EEA1: variants seen among roughly 807,000 people sequenced by gnomAD.
The protein encoded by EEA1 is early endosome antigen 1, 162kD.
A neutral mutation model predicts 209.2 loss-of-function variants in EEA1; 111 were observed. That is an observed-to-expected ratio of 0.53 (90% CI 0.45 to 0.62). The LOEUF is 0.62. EEA1 is among the 20% of genes least tolerant of loss of function. The pLI is 0.00. For missense variants in EEA1, 1,343 were observed against 1,530.8 expected (o/e 0.88, Z 2.05); for synonymous variants, 536 against 540.6 (o/e 0.99, Z 0.12).
intron 2 of EEA1, chr12:92,884,431 C>T: frequency 2.1e-6 from 3 of 1,434,510 alleles, no homozygotes; most frequent in Non-Finnish European, 2.9e-6. Context: ...GTGGAGGAAA[C>T]TTCAGTGGTG....
At chr12:92,907,505 T>C (rs1320800568) in intron 1 of EEA1, among the ~76,000 whole-genome samples, 1 of 152,238 alleles carries the variant, frequency 6.6e-6, no homozygotes, top group Non-Finnish European at 1.5e-5. Flanking sequence ...TTAATTCAAC[T>C]GCCCACTTAA....
chr12:92,917,501 A>G (rs371545040), intron 1 of EEA1, among the ~76,000 whole-genome samples: 2,476 of 150,370 alleles, frequency 0.016, 39 homozygotes, highest in South Asian at 0.095. Context: ...GCTAAGCTTC[A>G]TAAGTGAAGG....
intron 16 of EEA1, among the ~76,000 whole-genome samples, 163 bp from the exon 17 acceptor site, chr12:92,811,597 A>G (rs1875513285): frequency 1.3e-5 from 2 of 152,184 alleles, no homozygotes; most frequent in African/African-American, 4.8e-5. Context: ...TTACCTACCA[A>G]TATAAACGAC....
intron 5 of EEA1, 64 bp downstream of exon 5, chr12:92,857,211 T>C: frequency 1.5e-6 from 2 of 1,326,952 alleles, no homozygotes; most frequent in Non-Finnish European, 1.0e-6. Flanking sequence ...AGGTATTAAG[T>C]TTAGTTTTCA....
Position 92,821,742 on chromosome 12 carries a change from C to G in EEA1, c.1525-2231G>C, listed in dbSNP as rs1876061499. On this transcript the variant is annotated intron_variant, in intron 13 of 28. Coordinates refer to ENST00000322349, the MANE Select transcript of EEA1 (RefSeq NM_003566.4). ...GCCTGATTTTCAGCTCTTACTATCT[C>G]CAACTTTATCAAGAAACATGAGATT... 5.3e-5 allele frequency among the ~76,000 whole-genome samples: 8 copies of G among 151,816 alleles called. 1 individual carries two copies. In the South Asian group the frequency reaches 1.7e-3, roughly 32 times the overall value.
At chr12:92,842,890 C>T (rs1174838899) in intron 9 of EEA1, among the ~76,000 whole-genome samples, 1 of 152,180 alleles carries the variant, frequency 6.6e-6, no homozygotes, top group Non-Finnish European at 1.5e-5. Context: ...CTCTATACTT[C>T]AATCTTCCAG....
chr12:92,891,819 G>GGT, intron 1 of EEA1, 98 bp from the exon 2 acceptor site: 1 of 790,124 alleles, frequency 1.3e-6, no homozygotes, highest in Non-Finnish European at 2.0e-6. Context: ...CATAAGAAAA[G>GGT]TAGATGTCTT....
At chr12:92,784,741 GTTC>G (rs1397921922) in intron 22 of EEA1, among the ~76,000 whole-genome samples, 1 of 152,070 alleles carries the variant, frequency 6.6e-6, no homozygotes, top group East Asian at 1.9e-4. Context: ...CATTTTAAAT[GTTC>G]TTTTCATCTT....
chr12:92,863,873 A>C (rs969231443), intron 3 of EEA1, among the ~76,000 whole-genome samples: 2 of 152,238 alleles, frequency 1.3e-5, no homozygotes, highest in African/African-American at 4.8e-5. Flanking sequence ...AAGTTCATAT[A>C]CTGGACACAG....
At chr12:92,879,487 T>A in intron 2 of EEA1, 1 of 304,586 alleles carries the variant, frequency 3.3e-6, no homozygotes, top group South Asian at 2.7e-5. Flanking sequence ...CATATTATCA[T>A]CTCAATAGAT....
At chr12:92,914,525 C>T (rs903787678) in intron 1 of EEA1, among the ~76,000 whole-genome samples, 24 of 152,174 alleles carry the variant, frequency 1.6e-4, no homozygotes, top group Admixed American at 1.6e-3. Context: ...TGTTGGTAAT[C>T]TGACAGAAAT....
intron 1 of EEA1, among the ~76,000 whole-genome samples, chr12:92,919,363 C>G (rs1461301867): frequency 6.8e-6 from 1 of 146,206 alleles, no homozygotes; most frequent in African/African-American, 2.5e-5. Flanking sequence ...TACTGGCAAA[C>G]TGAATCCAGC....
At chr12:92,820,768 T>G (rs1296720915) in intron 13 of EEA1, among the ~76,000 whole-genome samples, 1 of 151,678 alleles carries the variant, frequency 6.6e-6, no homozygotes, top group African/African-American at 2.4e-5. Context: ...TATATATATA[T>G]ATATATACAC....
chr12:92,791,842 A>G (rs984085946), intron 21 of EEA1, among the ~76,000 whole-genome samples: 1 of 152,126 alleles, frequency 6.6e-6, no homozygotes, highest in African/African-American at 2.4e-5. Context: ...ACCACATCAC[A>G]CTTATTCTAA....
intron 1 of EEA1, among the ~76,000 whole-genome samples, chr12:92,910,321 T>A (rs1260434184): frequency 6.6e-6 from 1 of 151,384 alleles, no homozygotes; most frequent in Non-Finnish European, 1.5e-5. Context: ...ATACAAAAAT[T>A]AGCCGGGCAT....
chr12:92,869,105 C>A (rs990303071), intron 2 of EEA1, among the ~76,000 whole-genome samples: 1 of 152,102 alleles, frequency 6.6e-6, no homozygotes, highest in Non-Finnish European at 1.5e-5. Flanking sequence ...GATCGCATGA[C>A]CTTTAGTTCA....
intron 21 of EEA1, among the ~76,000 whole-genome samples, chr12:92,798,258 AGAAT>A (rs1420454504): frequency 6.6e-6 from 1 of 152,174 alleles, no homozygotes; most frequent in African/African-American, 2.4e-5. Context: ...GCCCTTAATA[AGAAT>A]GATTTATTTT....
At chr12:92,880,940 G>A (rs1337124565) in intron 2 of EEA1, among the ~76,000 whole-genome samples, 1 of 152,192 alleles carries the variant, frequency 6.6e-6, no homozygotes, top group Non-Finnish European at 1.5e-5. Context: ...AGTGATCTCA[G>A]GAGACAAGGA....
At chr12:92,858,332 T>C (rs1877980017) in intron 3 of EEA1, 1 of 786,900 alleles carries the variant, frequency 1.3e-6, no homozygotes, top group African/African-American at 1.7e-5. Flanking sequence ...AAATGCTTCG[T>C]GAAGCTATTA....
Sources: gnomAD v4.1 joint callset for allele counts (sites outside exome capture counted in the v4.1 genomes callset) on GRCh38, gnomAD v4.1.1 for gene constraint, MANE v1.5 for transcripts, NCBI Gene and HGNC (gene_info 2026-07-23, HGNC 2026-07-21) for gene names.